Variants in ITPR1 observed in about 807,000 individuals in gnomAD.
The protein encoded by ITPR1 is inositol 1,4,5-trisphosphate receptor type 1, also known as inositol 1,4,5-trisphosphate-gated calcium channel ITPR1.
ITPR1 carries 96 observed loss-of-function variants against 318.4 expected under a neutral mutation model. That is an observed-to-expected ratio of 0.30 (90% CI 0.26 to 0.36). The LOEUF is 0.36. Ranked by LOEUF, ITPR1 falls within the 10% of genes least tolerant of loss-of-function variation. The pLI, the probability that ITPR1 is intolerant of heterozygous loss-of-function variation, is 1.00. For synonymous variants in ITPR1, 1,312 were observed against 1,289.9 expected, an observed-to-expected ratio of 1.02 and a Z score of -0.37; for missense variants, 2,440 against 3,460.2, an observed-to-expected ratio of 0.71 and a Z score of 7.40.
rs764042735 is a variant in ITPR1, at chr3:4,811,357, G to A, written c.7365G>A (p.Leu2455=). 2 of 1,613,770 alleles carry A rather than the reference G, an allele frequency of 1.2e-6. No homozygotes were observed. The highest frequency in any genetic ancestry group is 1.3e-5 in the African/African-American group (1 of 74,904). Residue 2455 remains leucine (L), a synonymous_variant, in exon 56 of 62, where the codon CTG becomes CTA. Transcript: ENST00000649015. ...GGTCCATCATCCTGACAGCAGTTCT[G>A]GCTCTGATCCTCGTTTACCTGTTCT... ...NGRSIILTAV[L]ALILVYLFSI...
At chr3:4,508,054 T>C (rs111274783) in intron 2 of ITPR1, among the ~76,000 whole-genome samples, 3,638 of 152,212 alleles carry the variant, frequency 0.024, 155 homozygotes, top group African/African-American at 0.083. Flanking sequence ...AAATTAATGG[T>C]GCACTGTGGG....
chr3:4,762,409 A>G (rs181461638), intron 44 of ITPR1, among the ~76,000 whole-genome samples: 11 of 152,316 alleles, frequency 7.2e-5, no homozygotes, highest in Admixed American at 2.0e-4. Context: ...AGTTTCAGAG[A>G]CATTGTCACT....
At chr3:4,561,064 G>A (rs2086624673) in intron 4 of ITPR1, among the ~76,000 whole-genome samples, 1 of 152,148 alleles carries the variant, frequency 6.6e-6, no homozygotes, top group African/African-American at 2.4e-5. Context: ...GAGAATCTTG[G>A]GTTTAATGTC....
intron 4 of ITPR1, among the ~76,000 whole-genome samples, chr3:4,609,013 A>C (rs573359217): frequency 0.059 from 7,561 of 128,642 alleles, 437 homozygotes; most frequent in African/African-American, 0.15. Context: ...AAAAAAAAAA[A>C]AAAAAAAAAA....
intron 20 of ITPR1, 133 bp downstream of exon 20, chr3:4,671,059 G>C (rs1308626637): frequency 3.0e-6 from 2 of 660,032 alleles, no homozygotes; most frequent in Non-Finnish European, 2.4e-6. Context: ...AAAAAAGCCA[G>C]ATGTGTGTTT....
intron 32 of ITPR1, among the ~76,000 whole-genome samples, chr3:4,692,513 C>T (rs1470724122): frequency 1.3e-5 from 2 of 152,168 alleles, no homozygotes; most frequent in African/African-American, 4.8e-5. Flanking sequence ...AAGAGTTTAT[C>T]TTGGTATCTG....
At chr3:4,665,038 A>G in intron 16 of ITPR1, 100 bp from the exon 17 acceptor site, 1 of 1,296,342 alleles carries the variant, frequency 7.7e-7, no homozygotes, top group African/African-American at 1.5e-5. Flanking sequence ...AAATTTTCTA[A>G]TGTAATCCAG....
chr3:4,793,817 C>T (rs1456075043), intron 52 of ITPR1, among the ~76,000 whole-genome samples: 2 of 152,162 alleles, frequency 1.3e-5, no homozygotes, highest in Admixed American at 1.3e-4. Context: ...TTGCTCATGG[C>T]TCTAAAACTC....
At chr3:4,796,163 G>A (rs969764835) in intron 53 of ITPR1, among the ~76,000 whole-genome samples, 5 of 152,178 alleles carry the variant, frequency 3.3e-5, no homozygotes, top group East Asian at 1.9e-4. Context: ...ACTTGAAAGC[G>A]ATGTTATGTA....
chr3:4,606,565 T>A (rs142635291), intron 4 of ITPR1, among the ~76,000 whole-genome samples: 31 of 151,918 alleles, frequency 2.0e-4, no homozygotes, highest in African/African-American at 7.2e-4. Context: ...AGGGCAAGAG[T>A]GTGCTGGAGG....
At chr3:4,824,338 A>G (rs975518911) in intron 60 of ITPR1, among the ~76,000 whole-genome samples, 2 of 152,210 alleles carry the variant, frequency 1.3e-5, no homozygotes, top group African/African-American at 4.8e-5. Context: ...AGGTGGTACT[A>G]TTAACACTTT....
intron 4 of ITPR1, among the ~76,000 whole-genome samples, chr3:4,531,430 G>A (rs75684840): frequency 6.6e-6 from 1 of 152,068 alleles, no homozygotes; most frequent in Non-Finnish European, 1.5e-5. Flanking sequence ...TCTGAGTGTG[G>A]ACACCTCCTC....
chr3:4,774,172 G>A (rs1166521746), intron 46 of ITPR1, among the ~76,000 whole-genome samples: 1 of 152,210 alleles, frequency 6.6e-6, no homozygotes, highest in Non-Finnish European at 1.5e-5. Flanking sequence ...AAACTTGACA[G>A]TGTGTCATAG....
At chr3:4,723,560 C>T (rs1050821762) in intron 40 of ITPR1, among the ~76,000 whole-genome samples, 3 of 151,566 alleles carry the variant, frequency 2.0e-5, no homozygotes, top group Admixed American at 6.6e-5. Flanking sequence ...TAATCCCTGC[C>T]GGGTGATTAA....
chr3:4,698,523 C>A (rs1042793319), intron 34 of ITPR1, among the ~76,000 whole-genome samples: 4 of 152,064 alleles, frequency 2.6e-5, no homozygotes, highest in African/African-American at 9.7e-5. Flanking sequence ...ATATGTTCAG[C>A]TTTGTGGGCT....
intron 3 of ITPR1, among the ~76,000 whole-genome samples, chr3:4,518,294 C>A (rs1425789896): frequency 2.0e-5 from 3 of 152,164 alleles, no homozygotes; most frequent in Non-Finnish European, 4.4e-5. Context: ...GATCTTAGTA[C>A]CTTCTTTCTC....
intron 2 of ITPR1, among the ~76,000 whole-genome samples, chr3:4,509,264 T>C (rs1203134005): frequency 3.3e-5 from 5 of 152,346 alleles, no homozygotes; most frequent in African/African-American, 1.2e-4. Flanking sequence ...CAGACTCACA[T>C]ATTCTGAGTC....
Position 4,735,211 on chromosome 3 carries a change from G to A in ITPR1, c.5401G>A (p.Ala1801Thr), listed in dbSNP as rs1371260270. The change falls in exon 44 of 62, where the codon GCC becomes ACC. Residue 1801 changes from alanine to threonine, a missense_variant. By Grantham distance (58) the Ala-to-Thr change is moderately conservative (BLOSUM62 0). This residue lies in a region of ITPR1 where 166 missense variants were observed against 143.7 expected (regional missense o/e 1.16). Transcript: ENST00000649015. ...TATGAGCAGGGGTGAGATGAGTCTGGCCGAGGTTCAGTGTCACCTTGACAA... is the reference window on the plus strand; with the variant it reads ...TATGAGCAGGGGTGAGATGAGTCTGACCGAGGTTCAGTGTCACCTTGACAA... Reference protein sequence around the residue: ...SSMSRGEMSLAEVQCHLDKEG... With the variant: ...SSMSRGEMSLTEVQCHLDKEG... 2 of 1,613,858 alleles carry A rather than the reference G, an allele frequency of 1.2e-6. No individual in the cohort carries two copies. Among genetic ancestry groups the A allele is most frequent in the African/African-American group, 1.3e-5 (1 of 74,900 alleles).
chr3:4,512,108 G>C (rs1299042248), intron 2 of ITPR1, among the ~76,000 whole-genome samples: 1 of 152,104 alleles, frequency 6.6e-6, no homozygotes, highest in Non-Finnish European at 1.5e-5. Context: ...CCAAGTAGCT[G>C]GGGTTACAGA....
Sources: allele counts gnomAD v4.1 joint callset (sites outside exome capture counted in the v4.1 genomes callset), GRCh38; gene constraint gnomAD v4.1.1; regional missense constraint gnomAD v4.1.1; transcripts MANE v1.5; gene names NCBI Gene and HGNC (gene_info 2026-07-23, HGNC 2026-07-21).